FUT8: variants seen among roughly 807,000 people sequenced by gnomAD.
FUT8 encodes fucosyltransferase 8.
A neutral mutation model predicts 71.3 loss-of-function variants in FUT8; 29 were observed. That is an observed-to-expected ratio of 0.41 (90% CI 0.30 to 0.55). The LOEUF (loss-of-function observed/expected upper bound fraction) is 0.55. Among genes scored for constraint, FUT8 ranks in the 20% least tolerant of loss-of-function variants. FUT8 has a pLI of 0.34. For synonymous variants in FUT8, 254 were observed against 239.3 expected (o/e 1.06, Z -0.57); for missense variants, 544 against 702.1 (o/e 0.77, Z 2.55).
chr14:65,510,427 G>A (rs1882257937), intron 2 of FUT8, among the ~76,000 whole-genome samples: 1 of 152,168 alleles, frequency 6.6e-6, no homozygotes, highest in East Asian at 1.9e-4. Context: ...TGGTACTAGG[G>A]TAATACTGGC....
chr14:65,685,393 A>G (rs969648120), intron 7 of FUT8, among the ~76,000 whole-genome samples: 2 of 152,194 alleles, frequency 1.3e-5, no homozygotes, highest in Non-Finnish European at 2.9e-5. Flanking sequence ...TGAAATGGTA[A>G]ATATTCAAAA....
chr14:65,539,777 A>C (rs1308496488), intron 2 of FUT8, among the ~76,000 whole-genome samples: 1 of 152,218 alleles, frequency 6.6e-6, no homozygotes, highest in African/African-American at 2.4e-5. Flanking sequence ...TATGTATAAA[A>C]TGGGGTTGTG....
chr14:65,394,550 T>C, the FUT8 span, among the ~76,000 whole-genome samples: 1 of 152,080 alleles, frequency 6.6e-6, no homozygotes, highest in Admixed American at 6.6e-5. Context: ...ACTCAAAAGT[T>C]TACAGTTCAA....
At chr14:65,667,132 C>T (rs1316490746) in intron 6 of FUT8, among the ~76,000 whole-genome samples, 3 of 152,076 alleles carry the variant, frequency 2.0e-5, no homozygotes, top group Non-Finnish European at 2.9e-5. Flanking sequence ...CCACTCTCAC[C>T]ATTGCTGTTC....
At chr14:65,456,977 T>G (rs2065902448) in intron 2 of FUT8, among the ~76,000 whole-genome samples, 1 of 152,086 alleles carries the variant, frequency 6.6e-6, no homozygotes, top group Non-Finnish European at 1.5e-5. Flanking sequence ...AAAATCAGGG[T>G]AATTGGAATA....
chr14:65,566,118 C>A (rs1886181643), intron 3 of FUT8, among the ~76,000 whole-genome samples: 1 of 151,782 alleles, frequency 6.6e-6, no homozygotes, highest in South Asian at 2.1e-4. Context: ...TTGGGCAGTC[C>A]AAGATGACCT....
chr14:65,742,474 G>T lies in FUT8; in HGVS notation c.*64G>T. Reference sequence around the variant, plus strand: ...ACCAAACTCAGTTCAAACCATTTCAGCCAAACTGTAGATGAAGAGGGCTCT... The same window carrying T: ...ACCAAACTCAGTTCAAACCATTTCATCCAAACTGTAGATGAAGAGGGCTCT... On this transcript the variant is annotated 3_prime_UTR_variant, in exon 11 of 11. Transcript: ENST00000673929. 2.9e-6 allele frequency: 4 copies of T among 1,375,600 alleles called. No individual in the cohort carries two copies. Among genetic ancestry groups the T allele is most frequent in the Non-Finnish European group, 4.0e-6 (4 of 999,378 alleles). 85.2% of individuals were successfully genotyped at this position (1,375,600 alleles called of 1,614,324 possible).
At chr14:65,358,091 G>A in the FUT8 span, among the ~76,000 whole-genome samples, 1 of 152,278 alleles carries the variant, frequency 6.6e-6, no homozygotes, top group East Asian at 1.9e-4. Flanking sequence ...AAAAGTTACA[G>A]TTAGGAAGAA....
chr14:65,434,099 A>G (rs970656190), intron 1 of FUT8, among the ~76,000 whole-genome samples: 1 of 152,232 alleles, frequency 6.6e-6, no homozygotes, highest in African/African-American at 2.4e-5. Flanking sequence ...TTGTTTCCTT[A>G]GAGAAGCCAA....
Position 65,615,998 on chromosome 14 carries a change from A to G in FUT8, c.224A>G (p.Asp75Gly), listed in dbSNP as rs1164895489. 8 of 1,613,364 alleles carry G rather than the reference A, an allele frequency of 5.0e-6. No individual in the cohort carries two copies. The highest frequency in any genetic ancestry group is 3.3e-4 in the Middle Eastern group (2 of 6,062). The change falls in exon 4 of 11, where the codon GAT (aspartate) becomes GGT (glycine). Residue 75 changes from aspartate (D) to glycine (G), a missense_variant. By Grantham distance (94) the Asp-to-Gly change is moderately conservative. Coordinates refer to ENST00000673929, the MANE Select transcript of FUT8 (RefSeq NM_001371533.1). ...TACAGGATACCAGAAGGCCCTATTGATCAGGGGCCAGCTATAGGAAGAGTA... is the reference window on the plus strand; with the variant it reads ...TACAGGATACCAGAAGGCCCTATTGGTCAGGGGCCAGCTATAGGAAGAGTA... Reference protein sequence around the residue: ...ESLRIPEGPIDQGPAIGRVRV... With the variant: ...ESLRIPEGPIGQGPAIGRVRV...
At chr14:65,468,304 A>G (rs2066078489) in intron 2 of FUT8, 4 of 613,028 alleles carry the variant, frequency 6.5e-6, no homozygotes, top group South Asian at 5.6e-5. Context: ...CCTAGAGAAC[A>G]TATATCGGGT....
intron 6 of FUT8, among the ~76,000 whole-genome samples, chr14:65,654,139 A>G (rs901155650): frequency 1.3e-5 from 2 of 152,208 alleles, no homozygotes; most frequent in Non-Finnish European, 2.9e-5. Context: ...CTTAATGTTT[A>G]TGAAGGTGAT....
chr14:65,697,989 C>G (rs182238086), intron 7 of FUT8, among the ~76,000 whole-genome samples: 1 of 140,934 alleles, frequency 7.1e-6, no homozygotes, highest in South Asian at 2.3e-4. Context: ...GAAACTCCAT[C>G]TCAAAAAAAA....
intron 1 of FUT8, among the ~76,000 whole-genome samples, chr14:65,426,027 A>G (rs1282090686): frequency 6.6e-6 from 1 of 152,026 alleles, no homozygotes; most frequent in African/African-American, 2.4e-5. Flanking sequence ...TACAATAAAT[A>G]TTATTAACTG....
At chr14:65,365,070 G>T in the FUT8 span, among the ~76,000 whole-genome samples, 1 of 152,130 alleles carries the variant, frequency 6.6e-6, no homozygotes, top group Admixed American at 6.6e-5. Flanking sequence ...CTTTTGGCAA[G>T]AACCTGTTCC....
chr14:65,431,892 T>G (rs1379237590), intron 1 of FUT8, among the ~76,000 whole-genome samples: 2 of 152,174 alleles, frequency 1.3e-5, no homozygotes, highest in African/African-American at 4.8e-5. Flanking sequence ...TAGCAACAAT[T>G]TAATGGCTTA....
At chr14:65,519,534 A>T (rs1450372673) in intron 2 of FUT8, among the ~76,000 whole-genome samples, 1 of 152,138 alleles carries the variant, frequency 6.6e-6, no homozygotes. Flanking sequence ...CACTTCTGTG[A>T]TTGTTTTACC....
rs925643031 is a variant in FUT8, at chr14:65,638,667, A to C, written c.597+9061A>C. ...TTCAGCTTATGGAACCCCTCACTCCAACACAGGATTTGCCTGATCTCATTT... is the reference window on the plus strand; with the variant it reads ...TTCAGCTTATGGAACCCCTCACTCCCACACAGGATTTGCCTGATCTCATTT... On this transcript the variant is annotated intron_variant, in intron 6 of 10. Transcript: ENST00000673929. The surrounding 1 kb of genome is among the most constrained non-coding windows in gnomAD (Gnocchi z 4.5). Among the ~76,000 whole-genome samples the C allele has an allele frequency of 2.6e-5, 4 of 152,180 alleles. No homozygotes were observed. The highest frequency in any genetic ancestry group is 2.6e-4 in the Admixed American group (4 of 15,280).
At chr14:65,695,229 G>A (rs1216184295) in intron 7 of FUT8, among the ~76,000 whole-genome samples, 1 of 152,198 alleles carries the variant, frequency 6.6e-6, no homozygotes, top group African/African-American at 2.4e-5. Flanking sequence ...CTCCCTGCTG[G>A]TTATGTCAAT....
Sources: gnomAD v4.1 joint callset for allele counts (sites outside exome capture counted in the v4.1 genomes callset) on GRCh38, gnomAD v4.1.1 for gene constraint, Gnocchi (gnomAD v3.1) non-coding constraint, MANE v1.5 for transcripts, NCBI Gene and HGNC (gene_info 2026-07-23, HGNC 2026-07-21) for gene names.